ADGRG1: variants seen among roughly 807,000 people sequenced by gnomAD.
ADGRG1 encodes the protein adhesion G protein-coupled receptor G1, also known as 7-transmembrane protein with no EGF-like N-terminal domains-1.
A neutral mutation model predicts 73.5 loss-of-function variants in ADGRG1; 53 were observed. The ratio of observed to expected loss-of-function variants is 0.72; its 90% CI spans 0.58 to 0.91. ADGRG1 has a LOEUF of 0.91. Ranked by LOEUF, ADGRG1 falls within the 40% of genes least tolerant of loss-of-function variation. The pLI is 0.00. For synonymous variants in ADGRG1, 394 were observed against 374.4 expected (o/e 1.05, Z -0.60); for missense variants, 795 against 871.8 (o/e 0.91, Z 1.11).
rs779976468 is a variant in ADGRG1, at chr16:57,651,376, T to C, written c.241T>C (p.Phe81Leu). Residue 81 changes from phenylalanine to leucine, a missense_variant, in exon 3 of 14, where the codon TTC becomes CTC. Phe to Leu is a conservative substitution (Grantham distance 22, BLOSUM62 0). Coordinates refer to ENST00000562631, the MANE Select transcript of ADGRG1 (RefSeq NM_201525.4). ...FPAAHPASRS[F>L]PDPRGLYHFC... ...TGCAGCCCACCCTGCTTCCCGATCC[T>C]TCCCTGACCCCAGGGGCCTCTACCA... 1 of 1,614,154 alleles carries C rather than the reference T, an allele frequency of 6.2e-7. No homozygotes were observed.
At chr16:57,648,876 C>A (rs1260157090) in intron 1 of ADGRG1, among the ~76,000 whole-genome samples, 1 of 152,258 alleles carries the variant, frequency 6.6e-6, no homozygotes, top group Non-Finnish European at 1.5e-5. Flanking sequence ...ATAGTCCTGA[C>A]CAGGCAGGGA....
In ADGRG1 at chr16:57,650,284, G is replaced by A; in HGVS notation, c.-4G>A. 1 of 1,613,282 alleles carries A rather than the reference G, an allele frequency of 6.2e-7. No homozygotes were observed. The highest frequency in any genetic ancestry group is 2.2e-5 in the East Asian group (1 of 44,878). ...ACTTCCAAGAGTGACTCCGTCGGAG[G>A]AAAATGACTCCCCAGTCGCTGCTGC... On this transcript the variant is annotated 5_prime_UTR_variant, in exon 2 of 14. Coordinates refer to ENST00000562631, the MANE Select transcript of ADGRG1 (RefSeq NM_201525.4).
At chr16:57,633,149 C>T in intron 1 of ADGRG1, 1 of 349,212 alleles carries the variant, frequency 2.9e-6, no homozygotes, top group Non-Finnish European at 4.0e-6. Flanking sequence ...GTTTCCCTGC[C>T]TGTAAATGGA....
chr16:57,628,981 TG>T, intron 1 of ADGRG1, 179 bp downstream of exon 1: 3 of 303,930 alleles, frequency 9.9e-6, no homozygotes, highest in Non-Finnish European at 1.2e-5. Context: ...TGTGTGAGAG[TG>T]AGTGAGAATG....
At chr16:57,655,100 A>T in intron 5 of ADGRG1, 1 of 985,142 alleles carries the variant, frequency 1.0e-6, no homozygotes, top group Non-Finnish European at 1.2e-6. Flanking sequence ...GCCACCCCCA[A>T]GTTGGCTGCT....
intron 1 of ADGRG1, chr16:57,632,174 G>A: frequency 1.0e-6 from 1 of 985,464 alleles, no homozygotes; most frequent in South Asian, 4.7e-5. Flanking sequence ...CCAGAATTTG[G>A]GCTCTTGTCC....
At chr16:57,662,104 G>A in intron 13 of ADGRG1, 139 bp downstream of exon 13, 1 of 762,008 alleles carries the variant, frequency 1.3e-6, no homozygotes, top group South Asian at 1.4e-5. Flanking sequence ...GGACATCCAG[G>A]CCACAGTCAA....
chr16:57,642,268 A>T, intron 1 of ADGRG1: 1 of 985,088 alleles, frequency 1.0e-6, no homozygotes. Context: ...GGCCGAAGGG[A>T]GGTGGGATAG....
Position 57,628,786 on chromosome 16 carries a change from C to A in ADGRG1, c.-52C>A. ...CCAGCCGCCTGGCCCTGCGTGGGAC[C>A]CTCCACCTGGCAGCAGGTACCCAAA... On this transcript the variant is annotated 5_prime_UTR_variant, in exon 1 of 14. Coordinates refer to ENST00000562631, the MANE Select transcript of ADGRG1 (RefSeq NM_201525.4). 1 of 985,508 alleles carries A rather than the reference C, an allele frequency of 1.0e-6. No homozygotes were observed. The highest frequency in any genetic ancestry group is 1.2e-6 in the Non-Finnish European group (1 of 830,034). The allele number at this position is 985,508 out of a possible 1,614,324, so 61.0% of individuals were successfully genotyped here.
chr16:57,660,929 C>A, intron 12 of ADGRG1, 53 bp downstream of exon 12: 1 of 1,087,702 alleles, frequency 9.2e-7, no homozygotes, highest in Non-Finnish European at 1.4e-6. Flanking sequence ...GGCACAGAGG[C>A]CAGAGTGCAG....
intron 1 of ADGRG1, among the ~76,000 whole-genome samples, chr16:57,640,552 C>T (rs1372619681): frequency 1.3e-5 from 2 of 152,226 alleles, no homozygotes; most frequent in Non-Finnish European, 2.9e-5. Flanking sequence ...GTGGTGAGCA[C>T]CCCGCCTGCG....
chr16:57,652,838 TG>T, intron 3 of ADGRG1: 1 of 1,111,642 alleles, frequency 9.0e-7, no homozygotes, highest in Non-Finnish European at 1.1e-6. Flanking sequence ...GGGAGGCTGG[TG>T]GGTGTGGAGT....
chr16:57,645,430 C>T, intron 1 of ADGRG1: 1 of 637,306 alleles, frequency 1.6e-6, no homozygotes, highest in Non-Finnish European at 2.0e-6. Context: ...AAGCCCCTTC[C>T]AGGGCCCCGC....
In ADGRG1 at chr16:57,651,349, C is replaced by G. The variant is rs144561715; in HGVS notation, c.214C>G (p.Pro72Ala). 6.2e-7 allele frequency: 1 copy of G among 1,614,232 alleles called. No individual in the cohort carries two copies. Among genetic ancestry groups the G allele is most frequent in the South Asian group, 1.1e-5 (1 of 91,078 alleles). The change falls in exon 3 of 14, where the codon CCT becomes GCT. Residue 72 changes from proline to alanine, a missense_variant. Pro to Ala is a conservative substitution (Grantham distance 27). Transcript: ENST00000562631. ...GGCCCTCACAGTCCATGCCCCTTTC[C>G]CTGCAGCCCACCCTGCTTCCCGATC... ...EEALTVHAPF[P>A]AAHPASRSFP... is the part of the protein sequence containing the mutation.
intron 1 of ADGRG1, chr16:57,633,387 C>A: frequency 2.0e-6 from 2 of 985,440 alleles, no homozygotes. Flanking sequence ...GTGAAAGTCT[C>A]TGATACCTAA....
At chr16:57,662,735 C>T (rs2047520585) in intron 13 of ADGRG1, among the ~76,000 whole-genome samples, 1 of 152,132 alleles carries the variant, frequency 6.6e-6, no homozygotes, top group African/African-American at 2.4e-5. Flanking sequence ...GTCATGATGG[C>T]TCTGGCTTGA....
upstream of ADGRG1, among the ~76,000 whole-genome samples, chr16:57,625,168 G>A (rs1425728692): frequency 2.6e-5 from 4 of 152,050 alleles, no homozygotes; most frequent in Non-Finnish European, 5.9e-5. Context: ...GGACTCCGTC[G>A]CCAGCCAATG....
At chr16:57,659,317 T>TG (rs1404011894) in intron 10 of ADGRG1, 96 bp from the exon 11 acceptor site, 43 of 1,597,818 alleles carry the variant, frequency 2.7e-5, no homozygotes, top group Middle Eastern at 1.8e-4. Context: ...TGTGTCGGGG[T>TG]GGGGGGCAGT....
chr16:57,660,844 T>C lies in ADGRG1; in HGVS notation c.1632T>C (p.His544=). 1 of 1,609,252 alleles carries C rather than the reference T, an allele frequency of 6.2e-7. No homozygotes were observed. The highest frequency in any genetic ancestry group is 1.1e-5 in the South Asian group (1 of 90,956). Residue 544 remains histidine, a synonymous_variant, in exon 12 of 14, where the codon CAT becomes CAC. Transcript: ENST00000562631. ...DNYGPIILAV[H]RTPEGVIYPS... ...ATGGCCCCATCATCTTGGCTGTGCA[T>C]AGGACTCCAGAGGGCGTCATCTACC... is the stretch of plus-strand genomic sequence containing the variant.
Sources: allele counts gnomAD v4.1 joint callset (sites outside exome capture counted in the v4.1 genomes callset), GRCh38; gene constraint gnomAD v4.1.1; transcripts MANE v1.5; gene names NCBI Gene and HGNC (gene_info 2026-07-23, HGNC 2026-07-21).